JAK2: variants seen among roughly 807,000 people sequenced by gnomAD.
JAK2 encodes the protein Janus kinase 2.
A neutral mutation model predicts 139.3 loss-of-function variants in JAK2; 86 were observed. That is an observed-to-expected ratio of 0.62 (90% confidence interval 0.52 to 0.74). The LOEUF (loss-of-function observed/expected upper bound fraction) is 0.74. JAK2 is among the 30% of genes least tolerant of loss of function. The pLI, the probability that JAK2 is intolerant of heterozygous loss-of-function variation, is 0.00. For missense variants in JAK2, 1,421 were observed against 1,360.3 expected (o/e 1.04, Z -0.70); for synonymous variants, 490 against 437.7 (o/e 1.12, Z -1.49).
intron 8 of JAK2, among the ~76,000 whole-genome samples, chr9:5,057,496 C>T (rs761557729): frequency 1.3e-5 from 2 of 151,630 alleles, no homozygotes; most frequent in African/African-American, 4.8e-5. Flanking sequence ...ACTCTTTTAT[C>T]TTGCAAAATT....
At chr9:5,099,379 C>T (rs145690145) in intron 22 of JAK2, 6 of 152,294 alleles carry the variant, frequency 3.9e-5, no homozygotes, top group East Asian at 3.9e-4. Context: ...TAAAGATTGA[C>T]GGAGTCTACA....
At chr9:5,013,481 A>G (rs1289895038) in intron 2 of JAK2, among the ~76,000 whole-genome samples, 1 of 152,202 alleles carries the variant, frequency 6.6e-6, no homozygotes, top group Non-Finnish European at 1.5e-5. Context: ...AGACCACTCC[A>G]TTGCCTTTTG....
intron 13 of JAK2, 75 bp from the exon 14 acceptor site, chr9:5,073,623 T>C: frequency 1.5e-5 from 16 of 1,071,404 alleles, no homozygotes; most frequent in Non-Finnish European, 2.1e-5. Flanking sequence ...ATCTTTATTA[T>C]GGCAGAGAGA....
At chr9:5,072,699 C>T in intron 13 of JAK2, 73 bp downstream of exon 13, 1 of 1,101,664 alleles carries the variant, frequency 9.1e-7, no homozygotes, top group Non-Finnish European at 1.2e-6. Context: ...ATACAACGTA[C>T]TCATGTGTGC....
chr9:5,124,525 A>C (rs927890487), intron 23 of JAK2, among the ~76,000 whole-genome samples: 2 of 151,736 alleles, frequency 1.3e-5, no homozygotes, highest in African/African-American at 4.8e-5. Flanking sequence ...TCAAAATACC[A>C]ATGTCATTTG....
intron 22 of JAK2, chr9:5,110,757 G>A (rs1822414316): frequency 1.1e-5 from 4 of 380,232 alleles, no homozygotes; most frequent in Non-Finnish European, 2.0e-5. Flanking sequence ...TTGCTCTGCG[G>A]ACTGGCCATG....
At chr9:4,999,147 G>C (rs1000977700) in intron 2 of JAK2, among the ~76,000 whole-genome samples, 1 of 152,102 alleles carries the variant, frequency 6.6e-6, no homozygotes, top group Non-Finnish European at 1.5e-5. Context: ...TTAAGCTTTT[G>C]CCTGTCATGT....
intron 2 of JAK2, among the ~76,000 whole-genome samples, chr9:5,015,409 T>C (rs1821978085): frequency 6.6e-6 from 1 of 152,250 alleles, no homozygotes; most frequent in African/African-American, 2.4e-5. Flanking sequence ...AAATGTCTTT[T>C]TCATTGAGTT....
intron 5 of JAK2, among the ~76,000 whole-genome samples, chr9:5,045,825 A>C (rs1816968842): frequency 1.3e-5 from 2 of 152,168 alleles, no homozygotes; most frequent in Non-Finnish European, 2.9e-5. Context: ...CTGTTGATGG[A>C]TACTTGGGTT....
intron 4 of JAK2, chr9:5,040,960 A>G (rs1001087786): frequency 2.2e-5 from 12 of 535,228 alleles, no homozygotes; most frequent in African/African-American, 1.9e-4. Context: ...GAATCTCTAT[A>G]CAAACAAATA....
intron 2 of JAK2, among the ~76,000 whole-genome samples, chr9:4,996,289 A>G (rs1414123280): frequency 1.3e-5 from 2 of 152,178 alleles, no homozygotes; most frequent in Non-Finnish European, 2.9e-5. Context: ...TCTCTACTAA[A>G]TACAAAAAAA....
At position 5,127,269 on chromosome 9, in the gene JAK2, ATAAT is replaced by A. The variant is rs1219701099; in HGVS notation, c.*485_*488del. 2.6e-5 allele frequency: 6 copies of A among 232,424 alleles called. No homozygotes were observed. The highest frequency in any genetic ancestry group is 6.0e-5 in the East Asian group (1 of 16,544). 14.4% of individuals were successfully genotyped at this position (232,424 alleles called of 1,614,324 possible). A position where few individuals can be genotyped will look rare whatever the true frequency, so the allele number is the denominator to read the frequency against. ...TTTCTAATTTTTCCATAGTTAATCT[ATAAT>A]TAATTACTTCACTATACAAACAAAT... On this transcript the variant is annotated 3_prime_UTR_variant, in exon 25 of 25. Coordinates refer to ENST00000381652, the MANE Select transcript of JAK2 (RefSeq NM_004972.4).
intron 20 of JAK2, 87 bp downstream of exon 20, chr9:5,089,950 G>A: frequency 2.2e-6 from 2 of 894,812 alleles, no homozygotes. Flanking sequence ...TTAACGATCT[G>A]GACTTATGCC....
At chr9:5,085,683 A>G (rs1029648075) in intron 19 of JAK2, 43 of 738,762 alleles carry the variant, frequency 5.8e-5, no homozygotes, top group South Asian at 5.4e-4. Flanking sequence ...TGCATTATCA[A>G]TAACGTCATC....
chr9:5,082,369 T>G (rs1286891307), intron 19 of JAK2, among the ~76,000 whole-genome samples: 1 of 152,234 alleles, frequency 6.6e-6, no homozygotes, highest in Admixed American at 6.5e-5. Context: ...AGGCCAGATT[T>G]ATGCTTCTCT....
intron 22 of JAK2, among the ~76,000 whole-genome samples, chr9:5,107,655 A>T (rs915867840): frequency 1.4e-4 from 22 of 152,202 alleles, no homozygotes; most frequent in African/African-American, 5.1e-4. Flanking sequence ...TATTTACATC[A>T]ACATTATATT....
chr9:5,065,198 AATT>A (rs1818483240), intron 9 of JAK2, among the ~76,000 whole-genome samples, 158 bp downstream of exon 9: 1 of 152,216 alleles, frequency 6.6e-6, no homozygotes, highest in African/African-American at 2.4e-5. Context: ...TAATAATTAG[AATT>A]ATTTAGTGTA....
At chr9:5,070,912 A>G (rs59720809) in intron 12 of JAK2, among the ~76,000 whole-genome samples, 12,193 of 152,202 alleles carry the variant, frequency 0.08, 1,485 homozygotes, top group African/African-American at 0.27. Context: ...CCACGAGTTA[A>G]AAGTGAGACT....
intron 16 of JAK2, among the ~76,000 whole-genome samples, chr9:5,079,224 C>G (rs79136062): frequency 0.013 from 2,023 of 152,136 alleles, 26 homozygotes; most frequent in Middle Eastern, 0.044. Flanking sequence ...CCTTTGGAAT[C>G]GGAAGTGAAG....
Sources: gnomAD v4.1 joint callset for allele counts (sites outside exome capture counted in the v4.1 genomes callset) on GRCh38, gnomAD v4.1.1 for gene constraint, MANE v1.5 for transcripts, NCBI Gene and HGNC (gene_info 2026-07-23, HGNC 2026-07-21) for gene names.